RAD21: variants seen among roughly 807,000 people sequenced by gnomAD.
RAD21 encodes the protein RAD21 cohesin complex component, also known as double-strand-break repair protein rad21 homolog.
In RAD21, 18 loss-of-function variants were observed where a neutral mutation model predicts 71.5. The observed-to-expected ratio is 0.25, with a 90% CI of 0.17 to 0.37. The LOEUF (loss-of-function observed/expected upper bound fraction) is 0.37, where lower values mean the gene tolerates loss of function less well. Among genes scored for constraint, RAD21 ranks in the 10% least tolerant of loss-of-function variants. The pLI is 1.00. For missense variants in RAD21, 493 were observed against 769.1 expected (o/e 0.64, Z 4.25); for synonymous variants, 248 against 254.0 (o/e 0.98, Z 0.22).
In RAD21 at chr8:116,868,988, A is replaced by G. The variant is rs202190144; in HGVS notation, c.-32-2227T>C. ...AAAAAACCCTCCACCTAAATCTCACACATTATATAAAAATTCAAAATAGAC... is the reference window on the plus strand; with the variant it reads ...AAAAAACCCTCCACCTAAATCTCACGCATTATATAAAAATTCAAAATAGAC... On this transcript the variant is annotated intron_variant, in intron 1 of 13. Coordinates refer to ENST00000297338, the MANE Select transcript of RAD21 (RefSeq NM_006265.3). Among the ~76,000 whole-genome samples, 14 of 152,218 alleles carry G rather than the reference A, an allele frequency of 9.2e-5. No individual in the cohort carries two copies. The East Asian group carries it at 2.7e-3, about 29-fold the overall frequency.
chr8:116,854,951 A>C (rs1812431575), intron 8 of RAD21, among the ~76,000 whole-genome samples: 1 of 152,200 alleles, frequency 6.6e-6, no homozygotes, highest in African/African-American at 2.4e-5. Context: ...AACAAGCCCA[A>C]GCCCAGTCAG....
At chr8:116,868,432 A>G (rs745320217) in intron 1 of RAD21, among the ~76,000 whole-genome samples, 2 of 152,152 alleles carry the variant, frequency 1.3e-5, no homozygotes, top group African/African-American at 2.4e-5. Context: ...GTTTTTGGCT[A>G]TTACAAATAA....
intron 4 of RAD21, among the ~76,000 whole-genome samples, chr8:116,860,359 A>G (rs1273650447): frequency 6.6e-6 from 1 of 152,188 alleles, no homozygotes; most frequent in East Asian, 1.9e-4. Flanking sequence ...AAGAAGTTCT[A>G]CTGCGGGTAA....
Position 116,867,697 on chromosome 8 carries a change from C to A in RAD21, c.-32-936G>T, listed in dbSNP as rs561148738. On this transcript the variant is annotated intron_variant, in intron 1 of 13. Coordinates refer to ENST00000297338, the MANE Select transcript of RAD21 (RefSeq NM_006265.3). ...CGACTAGAAAATGATATATGCCTTG[C>A]TTTACAGAAATAAAATCAAGTGCAT... is the stretch of plus-strand genomic sequence containing the variant. 3.3e-5 allele frequency among the ~76,000 whole-genome samples: 5 copies of A among 152,224 alleles called. No individual in the cohort carries two copies. The East Asian group carries it at 9.6e-4, about 29-fold the overall frequency.
rs1563687984 is a variant in RAD21 at position 116,850,773 on chromosome 8, A to C, written c.1471-6T>G. ...ATCTGCTCTACCTGCTGAGGCTTAA[A>C]GCAATACAAATAAGACAATTTAAGA... is the stretch of plus-strand genomic sequence containing the variant. On this transcript the variant is annotated splice_polypyrimidine_tract_variant and splice_region_variant and intron_variant, in intron 11 of 13. Transcript: ENST00000297338. 3 of 1,549,464 alleles carry C rather than the reference A, an allele frequency of 1.9e-6. No homozygotes were observed. The East Asian group carries it at 6.7e-5, about 35-fold the overall frequency.
chr8:116,863,527 T>C (rs557354992), intron 2 of RAD21, among the ~76,000 whole-genome samples: 23 of 152,226 alleles, frequency 1.5e-4, no homozygotes, highest in Non-Finnish European at 2.4e-4. Context: ...ACACTTTTGG[T>C]TGCCAATCCA....
chr8:116,851,355 C>T (rs1243611391), intron 11 of RAD21: 1 of 152,200 alleles, frequency 6.6e-6, no homozygotes, highest in Non-Finnish European at 1.5e-5. Context: ...GCACAGAAAA[C>T]TAGTTCTTAA....
chr8:116,861,981 A>G, intron 3 of RAD21, 41 bp from the exon 4 acceptor site: 1 of 1,463,058 alleles, frequency 6.8e-7, no homozygotes, highest in Middle Eastern at 1.7e-4. Context: ...AGCTACCCAT[A>G]AATTATCTAG....
chr8:116,855,754 C>A (rs1176845292), intron 8 of RAD21, among the ~76,000 whole-genome samples: 3 of 151,972 alleles, frequency 2.0e-5, no homozygotes, highest in Admixed American at 6.6e-5. Flanking sequence ...AGCTCGTAGA[C>A]CAACTGCACA....
At chr8:116,864,875 T>C (rs1812660786) in intron 2 of RAD21, among the ~76,000 whole-genome samples, 1 of 152,116 alleles carries the variant, frequency 6.6e-6, no homozygotes, top group South Asian at 2.1e-4. Context: ...GATTCCAGGC[T>C]ACATATTCTG....
At position 116,847,587 on chromosome 8, in the gene RAD21, A is replaced by C. The variant is rs1380599458; in HGVS notation, c.1809T>G (p.Leu603=). 3.1e-6 allele frequency: 5 copies of C among 1,614,120 alleles called. No homozygotes were observed. The highest frequency in any genetic ancestry group is 4.2e-6 in the Non-Finnish European group (5 of 1,179,980). The change falls in exon 14 of 14, where the codon CTT becomes CTG. Residue 603 remains leucine (L), a synonymous_variant. Coordinates refer to ENST00000297338, the MANE Select transcript of RAD21 (RefSeq NM_006265.3). ...TCAGCTCAATAGCTTGCTGCTTTTT[A>C]AGAACCAAGAAGCTGTAGAACTTTG... The part of the protein sequence containing the change: ...AAAKFYSFLV[L]KKQQAIELTQ...
chr8:116,850,945 A>C, intron 11 of RAD21, 178 bp from the exon 12 acceptor site: 1 of 413,258 alleles, frequency 2.4e-6, no homozygotes, highest in East Asian at 3.4e-5. Flanking sequence ...ATTTTTTATA[A>C]AACTACATTG....
chr8:116,872,884 G>C (rs547092197), intron 1 of RAD21, among the ~76,000 whole-genome samples: 4 of 152,304 alleles, frequency 2.6e-5, no homozygotes, highest in African/African-American at 9.6e-5. Context: ...TTGACCAAGA[G>C]TTTTACAATC....
At position 116,874,611 on chromosome 8, in the gene RAD21, C is replaced by T. The variant is rs1812931940; in HGVS notation, c.-33G>A. ...AGAAGGGGTCGGCCGAGTCTCTTACCTTGCTCTCCGCTGGGAGTTGGGCGG... is the reference window on the plus strand; with the variant it reads ...AGAAGGGGTCGGCCGAGTCTCTTACTTTGCTCTCCGCTGGGAGTTGGGCGG... On this transcript the variant is annotated splice_region_variant and 5_prime_UTR_variant, in exon 1 of 14. Coordinates refer to ENST00000297338, the MANE Select transcript of RAD21 (RefSeq NM_006265.3). 2.3e-5 allele frequency: 8 copies of T among 349,488 alleles called. No homozygotes were observed. The highest frequency in any genetic ancestry group is 4.4e-5 in the Non-Finnish European group (8 of 180,970). 21.6% of individuals were successfully genotyped at this position (349,488 alleles called of 1,614,324 possible). A position where few individuals can be genotyped will look rare whatever the true frequency, so the allele number is the denominator to read the frequency against.
intron 4 of RAD21, among the ~76,000 whole-genome samples, chr8:116,859,852 T>C (rs1162660754): frequency 6.6e-6 from 1 of 152,198 alleles, no homozygotes; most frequent in Admixed American, 6.5e-5. Flanking sequence ...TAAGCTGATT[T>C]AGGCTAAAAG....
chr8:116,852,549 C>G lies in RAD21; in HGVS notation c.1321G>C (p.Asp441His). Reference sequence around the variant, plus strand: ...AAGGAACTATTCCAACAGAACAAACCGATAACATCACGCTGCTGATGCTGC... The same window carrying G: ...AAGGAACTATTCCAACAGAACAAACGGATAACATCACGCTGCTGATGCTGC... ...QQQHQQRDVI[D>H]EPIIEEPSRL... The change falls in exon 10 of 14, where the codon GAT becomes CAT. Residue 441 changes from aspartate to histidine, a missense_variant and splice_region_variant. Around this residue, in one of 5 missense-constraint regions of RAD21, gnomAD observed 225 missense variants for 218.3 expected, o/e 1.03. Coordinates refer to ENST00000297338, the MANE Select transcript of RAD21 (RefSeq NM_006265.3). 1 of 1,609,406 alleles carries G rather than the reference C, an allele frequency of 6.2e-7. No individual in the cohort carries two copies. The highest frequency in any genetic ancestry group is 8.5e-7 in the Non-Finnish European group (1 of 1,178,014).
At chr8:116,863,373 T>C in intron 2 of RAD21, 114 bp from the exon 3 acceptor site, 4 of 1,118,468 alleles carry the variant, frequency 3.6e-6, no homozygotes, top group African/African-American at 1.5e-5. Context: ...TCTCTGTCCT[T>C]ACCTATAAAT....
intron 1 of RAD21, among the ~76,000 whole-genome samples, chr8:116,872,466 G>C (rs896889092): frequency 2.6e-5 from 4 of 151,854 alleles, no homozygotes; most frequent in African/African-American, 9.7e-5. Flanking sequence ...GGTGATACTG[G>C]TTACCTCTGG....
At chr8:116,874,152 T>TGGCACCGCGGGCGCCGGGCCC (rs1484687222) in intron 1 of RAD21, 1 of 144,284 alleles carries the variant, frequency 6.9e-6, no homozygotes. Flanking sequence ...CTCCCGGGGC[T>TGGCACCGCGGGCGCCGGGCCC]GGCACCGCGG....
Sources: gnomAD v4.1 joint callset for allele counts (sites outside exome capture counted in the v4.1 genomes callset) on GRCh38, gnomAD v4.1.1 for gene constraint, gnomAD v4.1.1 regional missense constraint, MANE v1.5 for transcripts, NCBI Gene and HGNC (gene_info 2026-07-23, HGNC 2026-07-21) for gene names.